The following DPP6 variants were observed in gnomAD, a reference collection of about 807,000 sequenced individuals.
The protein encoded by DPP6 is dipeptidyl peptidase like 6.
In DPP6, 69 loss-of-function variants were observed where a neutral mutation model predicts 122.6. That is an observed-to-expected ratio of 0.56 (90% CI 0.46 to 0.69). The LOEUF (loss-of-function observed/expected upper bound fraction) is 0.69, where lower values mean the gene tolerates loss of function less well. DPP6 is among the 30% of genes least tolerant of loss of function. The pLI, the probability that DPP6 is intolerant of heterozygous loss-of-function variation, is 0.00. For synonymous variants in DPP6, 418 were observed against 433.1 expected (o/e 0.97, Z 0.43); for missense variants, 928 against 1,116.9 (o/e 0.83, Z 2.41).
intron 1 of DPP6, among the ~76,000 whole-genome samples, chr7:154,075,058 C>T (rs1803460952): frequency 6.6e-6 from 1 of 151,902 alleles, no homozygotes; most frequent in South Asian, 2.1e-4. Flanking sequence ...AAAAAATGCT[C>T]AACCTCAGTA....
intron 5 of DPP6, among the ~76,000 whole-genome samples, chr7:154,634,000 CTTTT>C (rs57061045): frequency 7.0e-6 from 1 of 142,802 alleles, no homozygotes; most frequent in African/African-American, 2.6e-5. Flanking sequence ...TTCAGCCTTT[CTTTT>C]TTTTTTCTTT....
intron 7 of DPP6, among the ~76,000 whole-genome samples, chr7:154,716,668 CAT>C (rs1314242605): frequency 6.7e-6 from 1 of 149,208 alleles, no homozygotes; most frequent in Non-Finnish European, 1.5e-5. Context: ...TGGTTCCAGA[CAT>C]AGAATTTACT....
At chr7:154,227,215 G>GACACACACACACACCACACACACAC (rs1800657942) in intron 1 of DPP6, among the ~76,000 whole-genome samples, 1 of 141,356 alleles carries the variant, frequency 7.1e-6, no homozygotes, top group African/African-American at 2.7e-5. Flanking sequence ...GAAAATGAGG[G>GACACACACACACACCACACACACAC]ACACACACAC....
intron 1 of DPP6, among the ~76,000 whole-genome samples, chr7:153,985,891 T>C (rs1796821942): frequency 6.6e-6 from 1 of 152,192 alleles, no homozygotes; most frequent in Non-Finnish European, 1.5e-5. Context: ...TTCAAATCTA[T>C]ACTTGGGCAA....
intron 1 of DPP6, among the ~76,000 whole-genome samples, chr7:154,108,078 C>G (rs1219261710): frequency 6.6e-6 from 1 of 152,172 alleles, no homozygotes; most frequent in Non-Finnish European, 1.5e-5. Flanking sequence ...TAAAGGGGCA[C>G]CTTGTCCCTC....
At chr7:154,530,548 T>A (rs1054902935) in intron 3 of DPP6, among the ~76,000 whole-genome samples, 1 of 152,084 alleles carries the variant, frequency 6.6e-6, no homozygotes, top group African/African-American at 2.4e-5. Context: ...TTGGTGGGAA[T>A]GTAAATTAGT....
intron 6 of DPP6, among the ~76,000 whole-genome samples, chr7:154,657,930 C>A (rs1276894579): frequency 6.6e-6 from 1 of 152,202 alleles, no homozygotes; most frequent in African/African-American, 2.4e-5. Flanking sequence ...AAGACGCCAA[C>A]CTGAAAGGCT....
chr7:154,109,241 C>A (rs1806387171), intron 1 of DPP6, among the ~76,000 whole-genome samples: 1 of 152,246 alleles, frequency 6.6e-6, no homozygotes, highest in African/African-American at 2.4e-5. Context: ...TAATGAGGAG[C>A]ATATGAAAAT....
chr7:154,157,030 G>T (rs917831526), intron 1 of DPP6, among the ~76,000 whole-genome samples: 13 of 152,256 alleles, frequency 8.5e-5, no homozygotes, highest in African/African-American at 3.1e-4. Context: ...TAATTTAAAA[G>T]ATATACCCTC....
At chr7:154,199,317 C>T (rs1799043599) in intron 1 of DPP6, among the ~76,000 whole-genome samples, 1 of 152,120 alleles carries the variant, frequency 6.6e-6, no homozygotes, top group African/African-American at 2.4e-5. Flanking sequence ...AGGCGCTGCT[C>T]CTAAAATGCA....
At chr7:154,704,927 A>G (rs753776325) in intron 7 of DPP6, among the ~76,000 whole-genome samples, 4 of 152,158 alleles carry the variant, frequency 2.6e-5, no homozygotes, top group Non-Finnish European at 5.9e-5. Flanking sequence ...TTTGAGATAG[A>G]GTCTTGCTAT....
At chr7:153,939,010 T>C (rs889422876) in intron 1 of DPP6, among the ~76,000 whole-genome samples, 1 of 152,252 alleles carries the variant, frequency 6.6e-6, no homozygotes, top group South Asian at 2.1e-4. Flanking sequence ...TGTGCACTTA[T>C]AATACAACAC....
intron 1 of DPP6, among the ~76,000 whole-genome samples, chr7:154,156,796 G>T (rs1371031359): frequency 1.3e-5 from 2 of 152,208 alleles, no homozygotes; most frequent in African/African-American, 4.8e-5. Flanking sequence ...TAGGTAGATA[G>T]ATAGATAACC....
chr7:154,258,780 A>G (rs1802820147), intron 1 of DPP6, among the ~76,000 whole-genome samples: 1 of 152,248 alleles, frequency 6.6e-6, no homozygotes, highest in South Asian at 2.1e-4. Flanking sequence ...CACACCAATA[A>G]AAACACAACA....
intron 1 of DPP6, among the ~76,000 whole-genome samples, chr7:154,247,538 C>A (rs1802059898): frequency 6.6e-6 from 1 of 152,042 alleles, no homozygotes; most frequent in Non-Finnish European, 1.5e-5. Flanking sequence ...CCAGCTAAAA[C>A]CATACTGAGG....
the DPP6 span, among the ~76,000 whole-genome samples, chr7:153,874,414 G>A: frequency 2.0e-5 from 3 of 152,088 alleles, no homozygotes; most frequent in African/African-American, 7.2e-5. Context: ...CTTGCTCTGT[G>A]GCCCAGGCTG....
intron 1 of DPP6, among the ~76,000 whole-genome samples, chr7:154,401,090 G>A (rs1479038233): frequency 5.3e-5 from 8 of 152,104 alleles, no homozygotes; most frequent in African/African-American, 1.7e-4. Flanking sequence ...CCAGCTACTC[G>A]GGAGGCTGAG....
At chr7:154,183,425 T>C (rs1798193958) in intron 1 of DPP6, among the ~76,000 whole-genome samples, 1 of 152,186 alleles carries the variant, frequency 6.6e-6, no homozygotes, top group African/African-American at 2.4e-5. Context: ...CCTGATCTTT[T>C]TAAAAGGTCT....
chr7:154,344,718 C>G (rs2151067924), intron 1 of DPP6, among the ~76,000 whole-genome samples: 1 of 152,214 alleles, frequency 6.6e-6, no homozygotes, highest in Admixed American at 6.5e-5. Context: ...AGACCCCCAT[C>G]TCTACTAAAA....
Sources: gnomAD v4.1 joint callset for allele counts (sites outside exome capture counted in the v4.1 genomes callset) on GRCh38, gnomAD v4.1.1 for gene constraint, MANE v1.5 for transcripts, NCBI Gene and HGNC (gene_info 2026-07-23, HGNC 2026-07-21) for gene names.